FGF12: variants seen among roughly 807,000 people sequenced by gnomAD.
FGF12 encodes fibroblast growth factor 12B.
In FGF12, 14 loss-of-function variants were observed where a neutral mutation model predicts 23.6. The observed-to-expected ratio is 0.59, with a 90% confidence interval of 0.39 to 0.93. The LOEUF is 0.93. Among genes scored for constraint, FGF12 ranks in the 40% least tolerant of loss-of-function variants. FGF12 has a pLI of 0.00. For synonymous variants in FGF12, 62 were observed against 77.3 expected, an observed-to-expected ratio of 0.80 and a Z score of 1.04; for missense variants, 175 against 217.8, an observed-to-expected ratio of 0.80 and a Z score of 1.24.
chr3:192,376,552 G>C (rs1201492889), intron 2 of FGF12, among the ~76,000 whole-genome samples: 1 of 151,824 alleles, frequency 6.6e-6, no homozygotes, highest in Middle Eastern at 3.2e-3. Flanking sequence ...AGTAGAGACG[G>C]GGTTGCTCCA....
In FGF12 at chr3:192,247,766, G is replaced by A. The variant is rs549493893; in HGVS notation, c.229-77110C>T. ...AACAGCTTCTGTGTGGCTTCCAGGA[G>A]AGATGAAGGCCAAAAGAGTGAGGTA... On this transcript the variant is annotated intron_variant, in intron 4 of 5. Transcript: ENST00000445105. 6.6e-4 allele frequency among the ~76,000 whole-genome samples: 100 copies of A among 152,318 alleles called. 1 individual carries two copies. In the Middle Eastern group the frequency reaches 0.017, roughly 26 times the overall value.
At chr3:192,158,370 CTTTCTTTCTTTCT>C (rs768151975) in intron 5 of FGF12, among the ~76,000 whole-genome samples, 3,296 of 121,590 alleles carry the variant, frequency 0.027, 105 homozygotes, top group Non-Finnish European at 0.041. Context: ...TTCTTTCTTT[CTTTCTTTCTTTCT>C]TTTCTTTCTC....
At chr3:192,568,496 A>T (rs374112944) in intron 2 of FGF12, among the ~76,000 whole-genome samples, 90 of 152,244 alleles carry the variant, frequency 5.9e-4, no homozygotes, top group African/African-American at 2.1e-3. Flanking sequence ...AAAATAAGAG[A>T]GTTAGACCAG....
At chr3:192,295,741 C>A (rs1271622017) in intron 4 of FGF12, among the ~76,000 whole-genome samples, 1 of 152,126 alleles carries the variant, frequency 6.6e-6, no homozygotes. Context: ...AAAATCAAAT[C>A]TCTTCCCTGA....
At chr3:192,715,844 T>A (rs1312110672) in intron 2 of FGF12, among the ~76,000 whole-genome samples, 1 of 152,250 alleles carries the variant, frequency 6.6e-6, no homozygotes, top group South Asian at 2.1e-4. Flanking sequence ...GCAATGTGCA[T>A]GGCACAGATA....
chr3:192,720,567 A>G (rs564981498), intron 2 of FGF12, among the ~76,000 whole-genome samples: 16 of 152,332 alleles, frequency 1.1e-4, no homozygotes, highest in African/African-American at 3.6e-4. Flanking sequence ...GAGGAAGATG[A>G]TGCTGGGGAA....
chr3:192,542,721 G>A (rs553882603), intron 2 of FGF12, among the ~76,000 whole-genome samples: 53 of 151,930 alleles, frequency 3.5e-4, no homozygotes, highest in Non-Finnish European at 7.1e-4. Context: ...ATCTGTATTA[G>A]GGAGCACCCC....
intron 4 of FGF12, among the ~76,000 whole-genome samples, chr3:192,185,749 A>T (rs1716424260): frequency 6.6e-6 from 1 of 151,606 alleles, no homozygotes; most frequent in African/African-American, 2.4e-5. Context: ...AATCCCAGCT[A>T]CTCGGGAGGC....
At chr3:192,581,255 T>A (rs533633475) in intron 2 of FGF12, among the ~76,000 whole-genome samples, 509 of 152,012 alleles carry the variant, frequency 3.3e-3, no homozygotes, top group Non-Finnish European at 5.6e-3. Context: ...TCAAAGCATG[T>A]TAAAATATAT....
chr3:192,162,345 G>A (rs1714929397), intron 5 of FGF12, among the ~76,000 whole-genome samples: 1 of 152,042 alleles, frequency 6.6e-6, no homozygotes, highest in South Asian at 2.1e-4. Context: ...TTACTATAAT[G>A]AGATAACAAC....
chr3:192,678,621 A>G (rs991874132), intron 2 of FGF12, among the ~76,000 whole-genome samples: 2 of 152,166 alleles, frequency 1.3e-5, no homozygotes, highest in Non-Finnish European at 2.9e-5. Flanking sequence ...CTTTCCCCAC[A>G]GCTTATATAT....
At chr3:192,251,388 C>A in intron 4 of FGF12, among the ~76,000 whole-genome samples, 1 of 152,144 alleles carries the variant, frequency 6.6e-6, no homozygotes, top group African/African-American at 2.4e-5. Context: ...TTGGCTATAA[C>A]AGGTGTATCA....
chr3:192,643,397 A>G (rs1053658168), intron 2 of FGF12, among the ~76,000 whole-genome samples: 1 of 152,172 alleles, frequency 6.6e-6, no homozygotes, highest in African/African-American at 2.4e-5. Flanking sequence ...GTCCAATGTG[A>G]ATCTTGAAAG....
At chr3:192,305,474 G>A (rs1048577378) in intron 4 of FGF12, among the ~76,000 whole-genome samples, 2 of 151,580 alleles carry the variant, frequency 1.3e-5, no homozygotes, top group African/African-American at 2.4e-5. Flanking sequence ...GATTCTACAC[G>A]TCAGTTTGCT....
rs540735063 is a variant in FGF12, at chr3:192,678,232, C to T, written c.13+48949G>A. 5.4e-4 allele frequency among the ~76,000 whole-genome samples: 82 copies of T among 152,302 alleles called. 4 individuals carry two copies. In the South Asian group the frequency reaches 0.014, roughly 26 times the overall value. On this transcript the variant is annotated intron_variant, in intron 2 of 5. Transcript: ENST00000445105. ...GTAGGTACTCTTACTATTCCCACCT[C>T]ACAGGTGAGGAACACAGGTAAAGAC...
chr3:192,383,075 T>C (rs765699032), intron 2 of FGF12, among the ~76,000 whole-genome samples: 5 of 152,140 alleles, frequency 3.3e-5, no homozygotes, highest in African/African-American at 4.8e-5. Context: ...ACAGTAAAAA[T>C]AGAAAGTGGA....
In FGF12 at chr3:192,318,404, A is replaced by G. The variant is rs147973882; in HGVS notation, c.228+16957T>C. Among the ~76,000 whole-genome samples, 23 of 152,310 alleles carry G rather than the reference A, an allele frequency of 1.5e-4. No individual in the cohort carries two copies. The East Asian group carries it at 3.5e-3, about 23-fold the overall frequency. On this transcript the variant is annotated intron_variant, in intron 4 of 5. Transcript: ENST00000445105. The stretch of plus-strand genomic sequence containing the variant: ...CTGAAATAATTTAGAAGAATCAAGG[A>G]TAAGTTCTAGAGTTGGAAAACGCAA...
intron 2 of FGF12, among the ~76,000 whole-genome samples, chr3:192,371,677 C>A (rs1329719733): frequency 6.6e-6 from 1 of 152,090 alleles, no homozygotes; most frequent in Non-Finnish European, 1.5e-5. Flanking sequence ...AAATGCCAGG[C>A]ACTTTATGTG....
intron 2 of FGF12, among the ~76,000 whole-genome samples, chr3:192,586,510 A>G (rs1197085990): frequency 6.6e-6 from 1 of 152,212 alleles, no homozygotes; most frequent in Admixed American, 6.5e-5. Context: ...ACAATCAGCT[A>G]TTGTTATTGA....
Sources: gnomAD v4.1 joint callset for allele counts (sites outside exome capture counted in the v4.1 genomes callset) on GRCh38, gnomAD v4.1.1 for gene constraint, MANE v1.5 for transcripts, NCBI Gene and HGNC (gene_info 2026-07-23, HGNC 2026-07-21) for gene names.